Variants in VPS13C observed in about 807,000 individuals in gnomAD.
The protein encoded by VPS13C is vacuolar protein sorting 13 homolog C.
Under a neutral mutation model 456.8 loss-of-function variants are expected in VPS13C, and 358 were observed. The ratio of observed to expected loss-of-function variants is 0.78; its 90% CI spans 0.72 to 0.86. The LOEUF (loss-of-function observed/expected upper bound fraction) is 0.86, where lower values mean the gene tolerates loss of function less well. Among genes scored for constraint, VPS13C ranks in the 40% least tolerant of loss-of-function variants. VPS13C has a pLI of 0.00. For synonymous variants in VPS13C, 1,578 were observed against 1,486.7 expected, an observed-to-expected ratio of 1.06 and a Z score of -1.41; for missense variants, 4,818 against 4,385.4, an observed-to-expected ratio of 1.10 and a Z score of -2.79.
In VPS13C at chr15:62,003,949, G is replaced by A. The variant is rs1177059574; in HGVS notation, c.1291-3323C>T. On this transcript the variant is annotated intron_variant, in intron 15 of 84. Coordinates refer to ENST00000644861, the MANE Select transcript of VPS13C (RefSeq NM_020821.3). ...GTATTTTATTGAGGATTTTTGCATC[G>A]ATGTTCATCAAGGATATTGGTCTAA... Among the ~76,000 whole-genome samples the A allele has an allele frequency of 8.3e-4, 126 of 152,010 alleles. 1 individual carries two copies. The South Asian group carries it at 0.012, about 15-fold the overall frequency.
In VPS13C at chr15:61,890,184, A is replaced by C; in HGVS notation, c.9322T>G (p.Ser3108Ala). Residue 3108 changes from serine (S) to alanine (A), a missense_variant, in exon 67 of 85, where the codon TCC (serine) becomes GCC (alanine). Physicochemically the swap from Ser to Ala is moderately conservative, Grantham distance 99. Coordinates refer to ENST00000644861, the MANE Select transcript of VPS13C (RefSeq NM_020821.3). The part of the protein sequence containing the change: ...LVNNESKQEV[S>A]YIGITSSGVV... ...GCATACCTGGTTATCCCAATATAGG[A>C]AACTTCCTGCTTGCTTTCATTGTTA... 1 of 1,614,110 alleles carries C rather than the reference A, an allele frequency of 6.2e-7. No individual in the cohort carries two copies. Among genetic ancestry groups the C allele is most frequent in the South Asian group, 1.1e-5 (1 of 91,082 alleles).
intron 66 of VPS13C, among the ~76,000 whole-genome samples, chr15:61,891,981 C>T (rs780040477): frequency 3.3e-5 from 5 of 152,172 alleles, no homozygotes; most frequent in South Asian, 2.1e-4. Context: ...TGCCTCTCCC[C>T]GAATCTGCCT....
intron 2 of VPS13C, 69 bp downstream of exon 2, chr15:62,044,143 T>C: frequency 2.7e-6 from 3 of 1,094,546 alleles, no homozygotes; most frequent in Middle Eastern, 4.1e-4. Context: ...ATCAGATGCC[T>C]AGTAGGCAAA....
intron 63 of VPS13C, among the ~76,000 whole-genome samples, chr15:61,910,603 A>C (rs1193454422): frequency 3.3e-5 from 5 of 152,158 alleles, no homozygotes; most frequent in Admixed American, 2.0e-4. Context: ...TTAATTATTG[A>C]AAAATTATAT....
At chr15:62,003,348 G>A (rs1318335231) in intron 15 of VPS13C, among the ~76,000 whole-genome samples, 1 of 151,616 alleles carries the variant, frequency 6.6e-6, no homozygotes, top group Non-Finnish European at 1.5e-5. Flanking sequence ...AAGAATGCTT[G>A]TGATTTTTGC....
rs35381809 is a variant in VPS13C at position 61,996,998 on chromosome 15, C to CATATAT, written c.1353+3560_1353+3565dup. Among the ~76,000 whole-genome samples, 103 of 145,566 alleles carry CATATAT rather than the reference C, an allele frequency of 7.1e-4. 1 individual carries two copies. Among genetic ancestry groups the CATATAT allele is most frequent in the African/African-American group, 2.1e-3 (79 of 38,312 alleles). On this transcript the variant is annotated intron_variant, in intron 16 of 84. Transcript: ENST00000644861. ...CTTGCCTATATATTTTACATACATA[C>CATATAT]ATATATATATATATGTATAGAATAT... is the stretch of plus-strand genomic sequence containing the variant.
chr15:62,004,407 C>A lies in VPS13C; in HGVS notation c.1290+2901G>T, dbSNP rs537901326. ...TTTATTGCATCTATTTGATTCTTCT[C>A]TTTTTTCTTCTTTATTAGTCTTGCT... On this transcript the variant is annotated intron_variant, in intron 15 of 84. Transcript: ENST00000644861. Among the ~76,000 whole-genome samples the A allele has an allele frequency of 9.5e-4, 144 of 152,140 alleles. 1 individual carries two copies. Among genetic ancestry groups the A allele is most frequent in the African/African-American group, 3.4e-3 (141 of 41,474 alleles).
chr15:62,058,454 CG>C (rs576398816), intron 1 of VPS13C, among the ~76,000 whole-genome samples: 1 of 151,064 alleles, frequency 6.6e-6, no homozygotes, highest in Non-Finnish European at 1.5e-5. Context: ...AAAAATATTT[CG>C]GGGGGAAAAA....
chr15:61,935,040 T>C (rs1051741898), intron 48 of VPS13C, among the ~76,000 whole-genome samples: 1 of 152,266 alleles, frequency 6.6e-6, no homozygotes, highest in Middle Eastern at 3.4e-3. Context: ...TGTGAGCCAC[T>C]GCACCCAGCC....
At chr15:61,875,637 C>T (rs1349544429) in intron 76 of VPS13C, 95 bp downstream of exon 76, 1 of 835,534 alleles carries the variant, frequency 1.2e-6, no homozygotes, top group Non-Finnish European at 1.9e-6. Flanking sequence ...TATTCAATTC[C>T]AAGATACAAT....
intron 23 of VPS13C, among the ~76,000 whole-genome samples, chr15:61,978,109 A>C (rs1277711201): frequency 6.6e-6 from 1 of 152,084 alleles, no homozygotes; most frequent in African/African-American, 2.4e-5. Context: ...GCTTTTGGAA[A>C]ATAATTAAGT....
Position 61,940,794 on chromosome 15 carries a change from T to C in VPS13C, c.5454A>G (p.Arg1818=). ...NIELTQLKLS[R]TILQASLPQN... ...GTGGCAAGCTAGCCTGCAAAATAGTTCTGAAAGAAAAACAAGAATTTATTT... is the reference window on the plus strand; with the variant it reads ...GTGGCAAGCTAGCCTGCAAAATAGTCCTGAAAGAAAAACAAGAATTTATTT... Residue 1818 remains arginine (R), a splice_region_variant and synonymous_variant, in exon 47 of 85, where the codon AGA becomes AGG. Transcript: ENST00000644861. 1 of 1,606,882 alleles carries C rather than the reference T, an allele frequency of 6.2e-7. No homozygotes were observed. The highest frequency in any genetic ancestry group is 8.5e-7 in the Non-Finnish European group (1 of 1,176,516).
intron 49 of VPS13C, among the ~76,000 whole-genome samples, 156 bp downstream of exon 49, chr15:61,934,050 CAAAGTGAAGATAG>C (rs2044145799): frequency 6.6e-6 from 1 of 151,934 alleles, no homozygotes; most frequent in South Asian, 2.1e-4. Context: ...GAAACACTAA[CAAAGTGAAGATAG>C]AGGGCAGGAC....
chr15:62,044,408 TTGCTACATA>T (rs1341845827), intron 1 of VPS13C, among the ~76,000 whole-genome samples, 153 bp from the exon 2 acceptor site: 1 of 152,168 alleles, frequency 6.6e-6, no homozygotes, highest in African/African-American at 2.4e-5. Flanking sequence ...CACAAAATAG[TTGCTACATA>T]TGCTCAAGAG....
At chr15:61,919,539 G>A (rs1036308200) in intron 57 of VPS13C, 90 bp from the exon 58 acceptor site, 8 of 1,246,444 alleles carry the variant, frequency 6.4e-6, no homozygotes, top group Non-Finnish European at 7.4e-6. Context: ...ATAATGAAGA[G>A]TATTTTTCCT....
At chr15:61,959,931 G>C (rs1242780879) in intron 35 of VPS13C, among the ~76,000 whole-genome samples, 1 of 152,164 alleles carries the variant, frequency 6.6e-6, no homozygotes, top group Non-Finnish European at 1.5e-5. Context: ...TGTTGGTGCA[G>C]AGACTGAAGA....
rs372416298 is a variant in VPS13C at position 61,998,791 on chromosome 15, G to A, written c.1353+1773C>T. On this transcript the variant is annotated intron_variant, in intron 16 of 84. Coordinates refer to ENST00000644861, the MANE Select transcript of VPS13C (RefSeq NM_020821.3). ...GAACGGCATGAGTACACTTATACAA[G>A]GATTTTCTTCTGCCTCTGCTACCCC... Among the ~76,000 whole-genome samples the A allele has an allele frequency of 2.0e-5, 3 of 152,212 alleles. No individual in the cohort carries two copies. In the East Asian group the frequency reaches 5.8e-4, roughly 29 times the overall value.
chr15:62,050,374 A>C (rs1161920359), intron 1 of VPS13C, among the ~76,000 whole-genome samples: 1 of 152,218 alleles, frequency 6.6e-6, no homozygotes, highest in Non-Finnish European at 1.5e-5. Context: ...ATACACAGTA[A>C]GTAGTCTGTG....
At chr15:61,886,960 T>C (rs751040869) in intron 67 of VPS13C, among the ~76,000 whole-genome samples, 17 of 152,272 alleles carry the variant, frequency 1.1e-4, no homozygotes, top group Non-Finnish European at 1.9e-4. Context: ...GCTAACATCA[T>C]AGTGAGAAAC....
Sources: allele counts gnomAD v4.1 joint callset (sites outside exome capture counted in the v4.1 genomes callset), GRCh38; gene constraint gnomAD v4.1.1; transcripts MANE v1.5; gene names NCBI Gene and HGNC (gene_info 2026-07-23, HGNC 2026-07-21).